XRCC6: variants seen among roughly 807,000 people sequenced by gnomAD.
XRCC6 encodes the protein X-ray repair cross complementing 6.
In XRCC6, 5 loss-of-function variants were observed where a neutral mutation model predicts 65.7. That is an observed-to-expected ratio of 0.08 (90% CI 0.04 to 0.16). The LOEUF is 0.16. Ranked by LOEUF, XRCC6 falls within the 10% of genes least tolerant of loss-of-function variation. XRCC6 has a pLI of 1.00. For missense variants in XRCC6, 447 were observed against 738.1 expected, an observed-to-expected ratio of 0.61 and a Z score of 4.57; for synonymous variants, 270 against 270.6, an observed-to-expected ratio of 1.00 and a Z score of 0.02.
chr22:41,643,202 A>T (rs2067896472), intron 6 of XRCC6, among the ~76,000 whole-genome samples: 1 of 151,944 alleles, frequency 6.6e-6, no homozygotes, highest in Non-Finnish European at 1.5e-5. Flanking sequence ...TGAGGTCAGG[A>T]GTTCGAGACC....
At chr22:41,631,954 C>T (rs1438020970) in intron 3 of XRCC6, among the ~76,000 whole-genome samples, 6 of 151,906 alleles carry the variant, frequency 3.9e-5, no homozygotes, top group Admixed American at 2.0e-4. Context: ...AGCGAAACCC[C>T]GTCTCCACCA....
chr22:41,652,796 C>A (rs1374975816), intron 8 of XRCC6, among the ~76,000 whole-genome samples: 1 of 152,188 alleles, frequency 6.6e-6, no homozygotes, highest in Non-Finnish European at 1.5e-5. Context: ...GCCTCAGCCT[C>A]CCAAGTAGCT....
At chr22:41,649,576 C>T (rs945966194) in intron 7 of XRCC6, among the ~76,000 whole-genome samples, 4 of 151,746 alleles carry the variant, frequency 2.6e-5, no homozygotes, top group Admixed American at 6.6e-5. Context: ...ATGTGGTGGC[C>T]GGGTGCGGTG....
At chr22:41,636,814 GT>G in intron 5 of XRCC6, 44 bp downstream of exon 5, 17 of 1,586,170 alleles carry the variant, frequency 1.1e-5, no homozygotes, top group Non-Finnish European at 1.5e-5. Flanking sequence ...CTTAATTATT[GT>G]TTTTTTATTT....
intron 3 of XRCC6, among the ~76,000 whole-genome samples, chr22:41,631,547 C>T (rs550083597): frequency 1.6e-4 from 21 of 130,594 alleles, no homozygotes; most frequent in Admixed American, 3.7e-4. Context: ...GGGGCAAAGG[C>T]GCTCCCCACA....
At chr22:41,658,130 G>GT (rs2068062241) in intron 10 of XRCC6, 122 bp from the exon 11 acceptor site, 2 of 925,042 alleles carry the variant, frequency 2.2e-6, no homozygotes, top group African/African-American at 3.3e-5. Flanking sequence ...GACCTCAACT[G>GT]TTTTACTTGG....
intron 2 of XRCC6, among the ~76,000 whole-genome samples, chr22:41,626,200 T>G (rs2067669618): frequency 6.6e-6 from 1 of 151,718 alleles, no homozygotes; most frequent in Admixed American, 6.6e-5. Flanking sequence ...TGGAGTGCAG[T>G]GGCGCGATCT....
rs558857709 is a variant in XRCC6 at position 41,624,251 on chromosome 22, G to A, written c.82+2165G>A. Among the ~76,000 whole-genome samples the A allele has an allele frequency of 5.3e-5, 8 of 152,196 alleles. No homozygotes were observed. In the East Asian group the frequency reaches 1.4e-3, roughly 26 times the overall value. On this transcript the variant is annotated intron_variant, in intron 2 of 12. Coordinates refer to ENST00000360079, the MANE Select transcript of XRCC6 (RefSeq NM_001469.5). Reference sequence around the variant, plus strand: ...AAATACAAAAGTTAGCTGAGTCTGTGGTGGCATGCACTTGTAGTCTCAGCT... The same window carrying A: ...AAATACAAAAGTTAGCTGAGTCTGTAGTGGCATGCACTTGTAGTCTCAGCT...
rs551060392 is a variant in XRCC6 at position 41,663,827 on chromosome 22, G to A, written c.*12G>A. The A allele has an allele frequency of 1.3e-5, 21 of 1,606,312 alleles. No homozygotes were observed. The highest frequency in any genetic ancestry group is 2.0e-4 in the Middle Eastern group (1 of 4,922). ...ACTTCCAGGACTGACCAGAGGCCGCGCGTCCAGCTGCCCTTCCGCAGTGTG... is the reference window on the plus strand; with the variant it reads ...ACTTCCAGGACTGACCAGAGGCCGCACGTCCAGCTGCCCTTCCGCAGTGTG... On this transcript the variant is annotated 3_prime_UTR_variant, in exon 13 of 13. Coordinates refer to ENST00000360079, the MANE Select transcript of XRCC6 (RefSeq NM_001469.5).
chr22:41,629,594 A>T (rs560843186), intron 3 of XRCC6, among the ~76,000 whole-genome samples: 1 of 152,326 alleles, frequency 6.6e-6, no homozygotes, highest in South Asian at 2.1e-4. Context: ...TTTTGGGGTG[A>T]TGAAAATTTT....
rs768736700 is a variant in XRCC6 at position 41,658,368 on chromosome 22, AGAG to A, written c.1522+17_1522+19del. ...GACCTGACATGTAAGGAGGTTGAAT[AGAG>A]TAGTTCTTTTCATGGGAGGCTTTCT... On this transcript the variant is annotated intron_variant, in intron 11 of 12. Coordinates refer to ENST00000360079, the MANE Select transcript of XRCC6 (RefSeq NM_001469.5). 2.5e-6 allele frequency: 4 copies of A among 1,612,642 alleles called. No individual in the cohort carries two copies. Among genetic ancestry groups the A allele is most frequent in the Admixed American group, 1.7e-5 (1 of 59,988 alleles).
intron 8 of XRCC6, among the ~76,000 whole-genome samples, chr22:41,652,894 G>A (rs921040354): frequency 2.0e-5 from 3 of 151,376 alleles, no homozygotes; most frequent in Non-Finnish European, 4.4e-5. Flanking sequence ...GGTTGGTCTC[G>A]AACTCCTGAC....
chr22:41,659,022 G>T (rs886988166), intron 11 of XRCC6, among the ~76,000 whole-genome samples: 2 of 152,328 alleles, frequency 1.3e-5, no homozygotes, highest in East Asian at 1.9e-4. Context: ...GCAGCCGGGC[G>T]TAGTGGCTTA....
chr22:41,650,109 C>CT (rs1569093749), intron 7 of XRCC6, among the ~76,000 whole-genome samples: 1 of 146,676 alleles, frequency 6.8e-6, no homozygotes, highest in South Asian at 2.1e-4. Context: ...TTTTTTTTTT[C>CT]TTTTTTTGTG....
rs71184825 is a variant in XRCC6 at position 41,639,667 on chromosome 22, C to CT, written c.773+1889dup. Among the ~76,000 whole-genome samples, 107 of 81,038 alleles carry CT rather than the reference C, an allele frequency of 1.3e-3. 7 individuals are homozygous for CT. Among genetic ancestry groups the CT allele is most frequent in the Admixed American group, 3.2e-3 (26 of 8,072 alleles). The allele number at this position is 81,038 out of a possible 152,430, so 53.2% of individuals were successfully genotyped here. On this transcript the variant is annotated intron_variant, in intron 6 of 12. Coordinates refer to ENST00000360079, the MANE Select transcript of XRCC6 (RefSeq NM_001469.5). ...TCCATGTGTAGCCTAGATTCTCTCT[C>CT]TTTTTTTTTTTTTGAGATGGAGTCT...
intron 3 of XRCC6, among the ~76,000 whole-genome samples, chr22:41,634,721 T>A (rs1272214726): frequency 6.6e-6 from 1 of 151,916 alleles, no homozygotes; most frequent in African/African-American, 2.4e-5. Flanking sequence ...ATTTTTGTAT[T>A]TTTAGTAGAG....
chr22:41,653,300 AAGC>A (rs1294571162), intron 8 of XRCC6, among the ~76,000 whole-genome samples: 1 of 152,106 alleles, frequency 6.6e-6, no homozygotes, highest in Non-Finnish European at 1.5e-5. Flanking sequence ...GCTATTCAGG[AAGC>A]AGAAGTGGGA....
At chr22:41,643,470 C>G (rs2067899406) in intron 6 of XRCC6, among the ~76,000 whole-genome samples, 1 of 151,968 alleles carries the variant, frequency 6.6e-6, no homozygotes, top group South Asian at 2.1e-4. Flanking sequence ...ATGGCTTTAG[C>G]TGCATCGTAT....
At chr22:41,658,099 C>T (rs2068062059) in intron 10 of XRCC6, among the ~76,000 whole-genome samples, 153 bp from the exon 11 acceptor site, 1 of 152,188 alleles carries the variant, frequency 6.6e-6, no homozygotes, top group South Asian at 2.1e-4. Flanking sequence ...GCTGGGATTA[C>T]AGGCATGGGC....
Sources: allele counts gnomAD v4.1 joint callset (sites outside exome capture counted in the v4.1 genomes callset), GRCh38; gene constraint gnomAD v4.1.1; transcripts MANE v1.5; gene names NCBI Gene and HGNC (gene_info 2026-07-23, HGNC 2026-07-21).